INSL6: variants seen among roughly 807,000 people sequenced by gnomAD.
The protein encoded by INSL6 is insulin like 6.
Under a neutral mutation model 9.4 loss-of-function variants are expected in INSL6, and 16 were observed. The ratio of observed to expected loss-of-function variants is 1.70; its 90% CI spans 1.15 to 2.59. The LOEUF (loss-of-function observed/expected upper bound fraction) is 2.59. INSL6 is among the 30% of genes most tolerant of loss of function. The pLI is 0.00. For synonymous variants in INSL6, 154 were observed against 96.9 expected (o/e 1.59, Z -3.46); for missense variants, 391 against 257.3 (o/e 1.52, Z -3.56).
chr9:5,121,714 C>T (rs746498575), downstream of INSL6, among the ~76,000 whole-genome samples: 1 of 152,088 alleles, frequency 6.6e-6, no homozygotes, highest in South Asian at 2.1e-4. Flanking sequence ...TCTGAATGCT[C>T]TAAGAACAAA....
At chr9:5,094,222 C>G in the INSL6 span, 1 of 152,142 alleles carries the variant, frequency 6.6e-6, no homozygotes, top group Non-Finnish European at 1.5e-5. Flanking sequence ...CAACCATTTG[C>G]TGACCCAATA....
Position 5,164,730 on chromosome 9 carries a change from T to A in INSL6, c.290-465A>T, listed in dbSNP as rs149513677. On this transcript the variant is annotated intron_variant, in intron 1 of 1. Coordinates refer to ENST00000381641, the MANE Select transcript of INSL6 (RefSeq NM_007179.3). ...CGTATATTTCATATAAATGAAAGCA[T>A]ACAATACATGACCTTTTGTGTCTGG... 2.6e-3 allele frequency among the ~76,000 whole-genome samples: 395 copies of A among 152,354 alleles called. 2 individuals are homozygous for A. The highest frequency in any genetic ancestry group is 6.8e-3 in the Middle Eastern group (2 of 294).
chr9:5,154,489 A>T (rs1472051081), intron 2 of INSL6, among the ~76,000 whole-genome samples: 1 of 152,212 alleles, frequency 6.6e-6, no homozygotes, highest in Non-Finnish European at 1.5e-5. Flanking sequence ...TCATTAAACT[A>T]AAGAGCTTCT....
chr9:5,108,250 C>A, the INSL6 span: 6 of 152,204 alleles, frequency 3.9e-5, no homozygotes, highest in Non-Finnish European at 7.4e-5. Context: ...ATAGCATTCA[C>A]AGCCACAGAA....
intron 3 of INSL6, chr9:5,127,571 A>C (rs1203330356): frequency 8.6e-6 from 2 of 231,478 alleles, no homozygotes; most frequent in African/African-American, 4.4e-5. Flanking sequence ...TTTTAAATGG[A>C]ACTATCTCCA....
At chr9:5,013,123 G>GT in the INSL6 span, among the ~76,000 whole-genome samples, 1 of 152,172 alleles carries the variant, frequency 6.6e-6, no homozygotes. Context: ...ATGAAAGCTT[G>GT]TTAAGACCTC....
chr9:5,115,958 T>C, the INSL6 span, among the ~76,000 whole-genome samples: 2 of 151,954 alleles, frequency 1.3e-5, no homozygotes, highest in East Asian at 1.9e-4. Context: ...CCTAATGTAG[T>C]TGATGGGTTG....
the INSL6 span, chr9:5,080,171 T>A: frequency 7.8e-7 from 1 of 1,286,022 alleles, no homozygotes; most frequent in South Asian, 1.5e-5. Context: ...TATTTACATA[T>A]AAAAGATTGG....
At chr9:5,077,380 A>G in the INSL6 span, 2 of 536,496 alleles carry the variant, frequency 3.7e-6, no homozygotes, top group Admixed American at 4.6e-5. Flanking sequence ...ATGTAAGTAT[A>G]AAGATTTAAA....
At chr9:5,099,627 A>G in the INSL6 span, 2 of 152,232 alleles carry the variant, frequency 1.3e-5, no homozygotes, top group Non-Finnish European at 2.9e-5. Flanking sequence ...AGTAGTATTA[A>G]TCATTCTGTT....
At chr9:5,028,025 TG>T in the INSL6 span, among the ~76,000 whole-genome samples, 3 of 152,246 alleles carry the variant, frequency 2.0e-5, no homozygotes, top group South Asian at 6.2e-4. Context: ...GAACTACAAA[TG>T]TTTTTCATGA....
the INSL6 span, chr9:5,080,420 G>A: frequency 1.9e-6 from 3 of 1,556,632 alleles, no homozygotes; most frequent in Non-Finnish European, 2.6e-6. Context: ...CTCTATCTCT[G>A]AACTTTCATA....
the INSL6 span, chr9:5,069,000 C>A: frequency 7.1e-7 from 1 of 1,417,756 alleles, no homozygotes; most frequent in Non-Finnish European, 9.7e-7. Flanking sequence ...CCCTCCCTTT[C>A]TTTATAATTA....
chr9:5,149,503 A>G (rs1257849310), intron 2 of INSL6, among the ~76,000 whole-genome samples: 1 of 152,210 alleles, frequency 6.6e-6, no homozygotes, highest in African/African-American at 2.4e-5. Flanking sequence ...CAATAGCTAC[A>G]AAGAAAAATA....
chr9:5,124,602 C>T (rs1426893996), intron 3 of INSL6, among the ~76,000 whole-genome samples: 7 of 151,858 alleles, frequency 4.6e-5, no homozygotes, highest in South Asian at 2.1e-4. Context: ...ATAGCAAAAG[C>T]GATTCTAAGC....
At chr9:5,048,973 C>G in the INSL6 span, among the ~76,000 whole-genome samples, 3 of 152,214 alleles carry the variant, frequency 2.0e-5, no homozygotes, top group East Asian at 5.8e-4. Flanking sequence ...TTTTCTTTCT[C>G]CCATTACATG....
chr9:5,055,814 T>G, the INSL6 span: 1 of 1,586,860 alleles, frequency 6.3e-7, no homozygotes, highest in East Asian at 2.2e-5. Context: ...GATTGAATAA[T>G]GGTTTCATTT....
At chr9:5,087,267 C>A in the INSL6 span, among the ~76,000 whole-genome samples, 1 of 152,196 alleles carries the variant, frequency 6.6e-6, no homozygotes, top group Non-Finnish European at 1.5e-5. Context: ...CTTCACAGGG[C>A]AGCAGGAGAG....
the INSL6 span, chr9:5,094,739 C>T: frequency 6.6e-6 from 1 of 152,142 alleles, no homozygotes; most frequent in Non-Finnish European, 1.5e-5. Context: ...TTGCCCTCTT[C>T]TTTATAGCAG....
Sources: allele counts gnomAD v4.1 joint callset (sites outside exome capture counted in the v4.1 genomes callset), GRCh38; gene constraint gnomAD v4.1.1; transcripts MANE v1.5; gene names NCBI Gene and HGNC (gene_info 2026-07-23, HGNC 2026-07-21).